The following MTSS2 variants were observed in gnomAD, a reference collection of about 807,000 sequenced individuals.
MTSS2 encodes the protein MTSS I-BAR domain containing 2.
A neutral mutation model predicts 67.1 loss-of-function variants in MTSS2; 27 were observed. The ratio of observed to expected loss-of-function variants is 0.40; its 90% CI spans 0.30 to 0.55. The LOEUF is 0.55. Ranked by LOEUF, MTSS2 falls within the 20% of genes least tolerant of loss-of-function variation. The pLI is 0.43. For missense variants in MTSS2, 1,171 were observed against 1,067.8 expected (o/e 1.10, Z -1.35); for synonymous variants, 624 against 468.6 (o/e 1.33, Z -4.28).
intron 11 of MTSS2, among the ~76,000 whole-genome samples, chr16:70,672,666 G>A (rs916415881): frequency 7.0e-6 from 1 of 142,124 alleles, no homozygotes; most frequent in African/African-American, 2.7e-5. Context: ...AACCCTCAGT[G>A]GGTAGGTTAA....
Position 70,664,004 on chromosome 16 carries a change from G to C in MTSS2, c.1917C>G (p.Ser639Arg), listed in dbSNP as rs750417455. The C allele has an allele frequency of 6.3e-7, 1 of 1,599,378 alleles. No homozygotes were observed. Among genetic ancestry groups the C allele is most frequent in the Non-Finnish European group, 8.5e-7 (1 of 1,174,108 alleles). ...GGCTGCCCCAGGCTGTGTTGGGCAG[G>C]CTGAGCCTCTTTGGGGAGGCCTTGG... ...DLAKASPKRLSLPNTAWGSPS... is the reference protein window; with the variant it reads ...DLAKASPKRLRLPNTAWGSPS... Residue 639 changes from serine to arginine, a missense_variant, in exon 15 of 15, where the codon AGC becomes AGG. Physicochemically the swap from Ser to Arg is moderately radical, Grantham distance 110. Transcript: ENST00000338779.
chr16:70,680,714 T>C, intron 3 of MTSS2, 80 bp downstream of exon 3: 1 of 1,292,934 alleles, frequency 7.7e-7, no homozygotes, highest in Non-Finnish European at 1.1e-6. Flanking sequence ...GTCCTTTCCC[T>C]GGCCCATCCC....
At chr16:70,670,604 A>T (rs1164232519) in intron 11 of MTSS2, among the ~76,000 whole-genome samples, 2 of 152,188 alleles carry the variant, frequency 1.3e-5, no homozygotes, top group Admixed American at 6.6e-5. Context: ...TGAATCTCAT[A>T]AACATAACTG....
chr16:70,679,708 C>T lies in MTSS2; in HGVS notation c.383-4G>A, dbSNP rs369499444. 6.2e-6 allele frequency: 10 copies of T among 1,611,150 alleles called. No individual in the cohort carries two copies. The African/African-American group carries it at 1.1e-4, about 17-fold the overall frequency. On this transcript the variant is annotated splice_polypyrimidine_tract_variant and splice_region_variant and intron_variant, in intron 5 of 14. Transcript: ENST00000338779. ...TCATGCCGGGCTCGTTTGTACTCTG[C>T]AGAAGGGGAGAGCGGAGCGCTCTAA...
chr16:70,679,531 C>T, intron 6 of MTSS2, 99 bp downstream of exon 6: 1 of 1,362,848 alleles, frequency 7.3e-7, no homozygotes, highest in East Asian at 2.5e-5. Context: ...GGGACAGCGC[C>T]CCTCTGGCTG....
chr16:70,668,494 G>T (rs1460256463), intron 11 of MTSS2, among the ~76,000 whole-genome samples: 1 of 152,094 alleles, frequency 6.6e-6, no homozygotes, highest in Non-Finnish European at 1.5e-5. Context: ...AAATCAACAA[G>T]TAGGACAGAG....
At chr16:70,679,927 GCCCCGTC>G in intron 4 of MTSS2, 37 bp downstream of exon 4, 13 of 1,491,176 alleles carry the variant, frequency 8.7e-6, no homozygotes, top group Non-Finnish European at 1.2e-5. Context: ...CCCCCGCGAC[GCCCCGTC>G]CCCCCGCCCC....
At chr16:70,679,935 C>A in intron 4 of MTSS2, 36 bp downstream of exon 4, 2 of 1,496,034 alleles carry the variant, frequency 1.3e-6, no homozygotes, top group Non-Finnish European at 1.8e-6. Context: ...ACGCCCCGTC[C>A]CCCCGCCCCC....
chr16:70,662,376 G>C lies in MTSS2; in HGVS notation c.*1301C>G, dbSNP rs939396296. 1 of 152,242 alleles carries C rather than the reference G, an allele frequency of 6.6e-6. No homozygotes were observed. The highest frequency in any genetic ancestry group is 1.5e-5 in the Non-Finnish European group (1 of 68,112). 9.4% of individuals were successfully genotyped at this position (152,242 alleles called of 1,614,324 possible). ...AGACTTGGCGTGACTTGGTGCGTGG[G>C]GTGGGGGCAGCCTTGCCCCTCCCCT... On this transcript the variant is annotated 3_prime_UTR_variant, in exon 15 of 15. Transcript: ENST00000338779.
chr16:70,668,100 T>C (rs375648118), intron 11 of MTSS2, among the ~76,000 whole-genome samples: 5 of 151,596 alleles, frequency 3.3e-5, no homozygotes, highest in Non-Finnish European at 5.9e-5. Flanking sequence ...GGGACTTCCA[T>C]GACCAGATAT....
chr16:70,683,941 G>C (rs985670158), intron 1 of MTSS2, among the ~76,000 whole-genome samples: 1 of 152,206 alleles, frequency 6.6e-6, no homozygotes, highest in African/African-American at 2.4e-5. Context: ...ATCTGTCCTT[G>C]GCATCATCCC....
At chr16:70,669,403 C>G (rs963407501) in intron 11 of MTSS2, among the ~76,000 whole-genome samples, 1 of 152,310 alleles carries the variant, frequency 6.6e-6, no homozygotes, top group East Asian at 1.9e-4. Context: ...GAAAAGGTAG[C>G]TGGGTTCAAT....
chr16:70,680,918 G>GGGGGGGGGGGCCCCCC, intron 2 of MTSS2, 46 bp downstream of exon 2: 1 of 1,097,912 alleles, frequency 9.1e-7, no homozygotes, highest in Non-Finnish European at 1.3e-6. Context: ...CGGGGGGGGG[G>GGGGGGGGGGGCCCCCC]CCTCTGCCTG....
At chr16:70,677,753 TGCCCCTGGCCCTG>T (rs769241171) in intron 9 of MTSS2, 26 bp downstream of exon 9, 15 of 1,528,224 alleles carry the variant, frequency 9.8e-6, no homozygotes, top group Middle Eastern at 3.4e-4. Context: ...ATCTCCTCCC[TGCCCCTGGCCCTG>T]GCCCTTGGCC....
intron 11 of MTSS2, among the ~76,000 whole-genome samples, chr16:70,666,382 C>T (rs1408035011): frequency 3.3e-5 from 5 of 152,292 alleles, no homozygotes; most frequent in Non-Finnish European, 7.4e-5. Context: ...TGCGAGGCCC[C>T]CCACTCCTAA....
At position 70,685,707 on chromosome 16, in the gene MTSS2, G is replaced by A; in HGVS notation, c.69+16C>T. 3.0e-6 allele frequency: 4 copies of A among 1,313,046 alleles called. No individual in the cohort carries two copies. Among genetic ancestry groups the A allele is most frequent in the South Asian group, 1.6e-5 (1 of 61,014 alleles). The allele number at this position is 1,313,046 out of a possible 1,614,324, so 81.3% of individuals were successfully genotyped here. A position where few individuals can be genotyped will look rare whatever the true frequency, so the allele number is the denominator to read the frequency against. ...CACCCGTCGCCGCGCGCCCGGCCCC[G>A]CCGCGCCCCGGTTACCTTCATGTCG... is the stretch of plus-strand genomic sequence containing the variant. On this transcript the variant is annotated intron_variant, in intron 1 of 14. Transcript: ENST00000338779.
intron 11 of MTSS2, among the ~76,000 whole-genome samples, chr16:70,669,274 C>G (rs2052836378): frequency 6.6e-6 from 1 of 152,118 alleles, no homozygotes; most frequent in African/African-American, 2.4e-5. Flanking sequence ...ACTTTATCTG[C>G]AATACTAAAA....
chr16:70,668,984 A>G (rs2052824234), intron 11 of MTSS2, among the ~76,000 whole-genome samples: 1 of 152,108 alleles, frequency 6.6e-6, no homozygotes, highest in Non-Finnish European at 1.5e-5. Context: ...TCCATATGAA[A>G]AAAAGGACCC....
In MTSS2 at chr16:70,685,759, C is replaced by T. The variant is rs2142957726; in HGVS notation, c.33G>A (p.Leu11=). The T allele has an allele frequency of 7.2e-7, 1 of 1,394,930 alleles. No homozygotes were observed. 86.4% of individuals were successfully genotyped at this position (1,394,930 alleles called of 1,614,324 possible). A position where few individuals can be genotyped will look rare whatever the true frequency, so the allele number is the denominator to read the frequency against. METAEKECGA[L]GGLFQAIVND... The stretch of plus-strand genomic sequence containing the variant: ...TGACTATGGCCTGGAAGAGCCCGCC[C>T]AGGGCGCCGCACTCCTTCTCCGCCG... Residue 11 remains leucine, a synonymous_variant, in exon 1 of 15, where the codon CTG becomes CTA. Coordinates refer to ENST00000338779, the MANE Select transcript of MTSS2 (RefSeq NM_138383.3).
Sources: gnomAD v4.1 joint callset for allele counts (sites outside exome capture counted in the v4.1 genomes callset) on GRCh38, gnomAD v4.1.1 for gene constraint, MANE v1.5 for transcripts, NCBI Gene and HGNC (gene_info 2026-07-23, HGNC 2026-07-21) for gene names.